SLC11A2: variants seen among roughly 807,000 people sequenced by gnomAD.
The protein encoded by SLC11A2 is natural resistance-associated macrophage protein 2.
A neutral mutation model predicts 68.0 loss-of-function variants in SLC11A2; 38 were observed. The ratio of observed to expected loss-of-function variants is 0.56; its 90% CI spans 0.43 to 0.73. The LOEUF (loss-of-function observed/expected upper bound fraction) is 0.73, where lower values mean the gene tolerates loss of function less well. Among genes scored for constraint, SLC11A2 ranks in the 30% least tolerant of loss-of-function variants. SLC11A2 has a pLI of 0.00. For synonymous variants in SLC11A2, 242 were observed against 250.6 expected, an observed-to-expected ratio of 0.97 and a Z score of 0.32; for missense variants, 517 against 690.5, an observed-to-expected ratio of 0.75 and a Z score of 2.82.
At chr12:50,991,754 C>T (rs1941174828) in intron 13 of SLC11A2, 82 bp from the exon 14 acceptor site, 1 of 1,045,870 alleles carries the variant, frequency 9.6e-7, no homozygotes, top group African/African-American at 1.6e-5. Flanking sequence ...GAAAGGGAAA[C>T]ATAAATGCTG....
Position 50,991,639 on chromosome 12 carries a change from T to C in SLC11A2, c.1381A>G (p.Thr461Ala), listed in dbSNP as rs1302884772. The change falls in exon 14 of 16, where the codon ACG (threonine) becomes GCG (alanine). Residue 461 changes from threonine to alanine, a missense_variant. Transcript: ENST00000262052. ...TCACTCATTACTGGCCGCAAGCTCG[T>C]AAATGTGAGGATGGGTATGAGAGCA... Reference protein sequence around the residue: ...PFALIPILTFTSLRPVMSDFA... With the variant: ...PFALIPILTFASLRPVMSDFA... 6.2e-7 allele frequency: 1 copy of C among 1,613,700 alleles called. No homozygotes were observed. The highest frequency in any genetic ancestry group is 8.5e-7 in the Non-Finnish European group (1 of 1,179,920).
chr12:50,972,527 G>A, the SLC11A2 span, among the ~76,000 whole-genome samples: 2 of 152,150 alleles, frequency 1.3e-5, no homozygotes, highest in Admixed American at 6.6e-5. Context: ...CAAGATGGCC[G>A]AATAGGAACA....
intron 3 of SLC11A2, chr12:51,005,656 C>A (rs1212476437): frequency 2.9e-6 from 4 of 1,370,734 alleles, no homozygotes; most frequent in Non-Finnish European, 3.8e-6. Flanking sequence ...CCCTTACCTG[C>A]AGGTTCCATC....
chr12:50,953,959 C>T, the SLC11A2 span: 115 of 1,178,212 alleles, frequency 9.8e-5, no homozygotes, highest in East Asian at 2.3e-3. Flanking sequence ...TAATGATTCA[C>T]GGCAACCACA....
intron 3 of SLC11A2, chr12:51,006,068 C>G: frequency 4.7e-6 from 1 of 211,284 alleles, no homozygotes. Flanking sequence ...CCAAGGCGGG[C>G]AGATCACCTG....
At chr12:50,969,789 T>C in the SLC11A2 span, among the ~76,000 whole-genome samples, 1 of 151,896 alleles carries the variant, frequency 6.6e-6, no homozygotes, top group African/African-American at 2.4e-5. Context: ...AATTTCAAGA[T>C]CTGATGCCTT....
chr12:50,977,034 T>G (rs1283874272), downstream of SLC11A2, among the ~76,000 whole-genome samples: 6 of 151,972 alleles, frequency 3.9e-5, no homozygotes, highest in Non-Finnish European at 8.8e-5. Flanking sequence ...TGCTCATGGG[T>G]AGGAAGAATC....
the SLC11A2 span, among the ~76,000 whole-genome samples, chr12:50,967,715 T>C: frequency 0.15 from 22,747 of 152,200 alleles, 1,902 homozygotes; most frequent in South Asian, 0.26. Flanking sequence ...CCCAGAACCA[T>C]TTCAGAGAAC....
chr12:50,964,701 A>C, the SLC11A2 span, among the ~76,000 whole-genome samples: 10 of 152,354 alleles, frequency 6.6e-5, no homozygotes, highest in South Asian at 2.1e-3. Context: ...AAAGCATTCA[A>C]CCAGATTAAC....
At chr12:50,997,665 G>A (rs1941827026) in intron 8 of SLC11A2, among the ~76,000 whole-genome samples, 1 of 119,942 alleles carries the variant, frequency 8.3e-6, no homozygotes, top group Non-Finnish European at 1.7e-5. Flanking sequence ...AGGCAATAGT[G>A]TGAGACTCTG....
chr12:50,975,873 A>T (rs1291192889), downstream of SLC11A2, among the ~76,000 whole-genome samples: 1 of 152,226 alleles, frequency 6.6e-6, no homozygotes, highest in African/African-American at 2.4e-5. Flanking sequence ...CCCCTACGCA[A>T]ATAAACTAGA....
At position 50,987,801 on chromosome 12, in the gene SLC11A2, C is replaced by A; in HGVS notation, c.*524G>T. 1.6e-6 allele frequency: 2 copies of A among 1,270,066 alleles called. No homozygotes were observed. Among genetic ancestry groups the A allele is most frequent in the Non-Finnish European group, 2.0e-6 (2 of 982,420 alleles). The allele number at this position is 1,270,066 out of a possible 1,614,324, so 78.7% of individuals were successfully genotyped here. Reference sequence around the variant, plus strand: ...AGCCTGATAGAGCTAGGTGTCTCTTCATTTTATATTTCATATGGATGAAGC... The same window carrying A: ...AGCCTGATAGAGCTAGGTGTCTCTTAATTTTATATTTCATATGGATGAAGC... On this transcript the variant is annotated 3_prime_UTR_variant, in exon 16 of 16. Transcript: ENST00000262052.
At chr12:50,972,900 C>T in the SLC11A2 span, among the ~76,000 whole-genome samples, 1 of 152,220 alleles carries the variant, frequency 6.6e-6, no homozygotes, top group Non-Finnish European at 1.5e-5. Context: ...ATTGCTAGCA[C>T]AGCAGTCTGA....
At chr12:50,993,237 T>A (rs1181818580) in intron 11 of SLC11A2, 13 of 353,638 alleles carry the variant, frequency 3.7e-5, no homozygotes, top group South Asian at 3.2e-4. Context: ...TTTCCCCAAA[T>A]TATATTCCTT....
the SLC11A2 span, among the ~76,000 whole-genome samples, chr12:50,952,447 A>G: frequency 9.1e-4 from 138 of 152,298 alleles, 2 homozygotes; most frequent in Non-Finnish European, 1.3e-4. Context: ...CTAGGTCCAC[A>G]TGGCTGCAGT....
intron 1 of SLC11A2, chr12:51,024,493 A>G (rs1944251939): frequency 1.3e-5 from 2 of 152,326 alleles, no homozygotes; most frequent in South Asian, 4.1e-4. Context: ...CCTGGCCAAC[A>G]TGGTGAAACC....
At chr12:51,015,200 G>A (rs1943548631) in intron 1 of SLC11A2, among the ~76,000 whole-genome samples, 2 of 143,068 alleles carry the variant, frequency 1.4e-5, no homozygotes, top group South Asian at 4.4e-4. Context: ...GAGGGGCCGG[G>A]CGCAGTGGCT....
At chr12:50,972,435 A>G in the SLC11A2 span, among the ~76,000 whole-genome samples, 1 of 152,258 alleles carries the variant, frequency 6.6e-6, no homozygotes. Context: ...CCAGAACCAG[A>G]ACAGGAGCAC....
chr12:51,018,294 T>G (rs907974668), intron 1 of SLC11A2, among the ~76,000 whole-genome samples: 1 of 151,944 alleles, frequency 6.6e-6, no homozygotes, highest in African/African-American at 2.4e-5. Flanking sequence ...ATTGGGAGGC[T>G]GAGGCAGGAG....
Sources: gnomAD v4.1 joint callset for allele counts (sites outside exome capture counted in the v4.1 genomes callset) on GRCh38, gnomAD v4.1.1 for gene constraint, MANE v1.5 for transcripts, NCBI Gene and HGNC (gene_info 2026-07-23, HGNC 2026-07-21) for gene names.